CHD2: variants seen among roughly 807,000 people sequenced by gnomAD.
CHD2 encodes the protein ATP-dependent chromatin remodeler CHD2.
A neutral mutation model predicts 243.9 loss-of-function variants in CHD2; 28 were observed. That is an observed-to-expected ratio of 0.11 (90% CI 0.09 to 0.16). The LOEUF (loss-of-function observed/expected upper bound fraction) is 0.16. Among genes scored for constraint, CHD2 ranks in the 10% least tolerant of loss-of-function variants. The pLI, the probability that CHD2 is intolerant of heterozygous loss-of-function variation, is 1.00. For synonymous variants in CHD2, 775 were observed against 779.0 expected (o/e 0.99, Z 0.09); for missense variants, 1,386 against 2,209.8 (o/e 0.63, Z 7.47).
chr15:92,952,592 G>C (rs891540378), intron 13 of CHD2, among the ~76,000 whole-genome samples: 1 of 152,130 alleles, frequency 6.6e-6, no homozygotes, highest in African/African-American at 2.4e-5. Context: ...ATCTAATGCC[G>C]TTGCTGATCT....
At chr15:92,986,826 C>T (rs1467621774) in intron 26 of CHD2, among the ~76,000 whole-genome samples, 1 of 152,170 alleles carries the variant, frequency 6.6e-6, no homozygotes, top group Non-Finnish European at 1.5e-5. Flanking sequence ...AGTGATCCTC[C>T]TGCCTGAGTG....
intron 19 of CHD2, 33 bp from the exon 20 acceptor site, chr15:92,974,846 A>G (rs767040129): frequency 3.1e-6 from 5 of 1,601,030 alleles, no homozygotes; most frequent in Admixed American, 1.7e-5. Flanking sequence ...TGATCTTCCT[A>G]TCTTACAGTT....
intron 16 of CHD2, among the ~76,000 whole-genome samples, chr15:92,960,001 AATC>A (rs1416250818): frequency 3.3e-5 from 5 of 152,212 alleles, no homozygotes; most frequent in Admixed American, 1.3e-4. Context: ...TCTAATCCAT[AATC>A]ATGGAAAGTT....
chr15:92,960,875 C>T (rs764964191), intron 16 of CHD2, among the ~76,000 whole-genome samples: 27 of 151,564 alleles, frequency 1.8e-4, no homozygotes, highest in Non-Finnish European at 3.4e-4. Context: ...CCACCATGCC[C>T]GGCTAATTTT....
At position 92,909,111 on chromosome 15, in the gene CHD2, C is replaced by CA. The variant is rs780137728; in HGVS notation, c.62+7825dup. 5.9e-3 allele frequency among the ~76,000 whole-genome samples: 733 copies of CA among 124,610 alleles called. 9 individuals are homozygous for CA. The highest frequency in any genetic ancestry group is 0.045 in the East Asian group (208 of 4,572). 81.7% of individuals were successfully genotyped at this position (124,610 alleles called of 152,430 possible). A position where few individuals can be genotyped will look rare whatever the true frequency, so the allele number is the denominator to read the frequency against. On this transcript the variant is annotated intron_variant, in intron 2 of 38. Coordinates refer to ENST00000394196, the MANE Select transcript of CHD2 (RefSeq NM_001271.4). ...ACTCCAGCCTGGGAGACAGGGTGAC[C>CA]AAAAAAAAAAAAAGAAAAAAGATAA...
chr15:92,962,669 G>A (rs1447802176), intron 16 of CHD2, among the ~76,000 whole-genome samples: 1 of 150,360 alleles, frequency 6.7e-6, no homozygotes, highest in African/African-American at 2.5e-5. Context: ...TGGTGTTAAT[G>A]GTGTTGTTCA....
intron 33 of CHD2, among the ~76,000 whole-genome samples, chr15:93,003,806 C>T (rs2054287464): frequency 8.2e-6 from 1 of 121,824 alleles, no homozygotes. Context: ...TAACTATAAA[C>T]AAAGCATACT....
intron 5 of CHD2, among the ~76,000 whole-genome samples, chr15:92,929,948 A>G (rs1345597737): frequency 2.6e-5 from 4 of 152,214 alleles, no homozygotes; most frequent in Non-Finnish European, 5.9e-5. Context: ...CCATCTACCC[A>G]ACAGGATTAT....
At chr15:92,985,843 A>G (rs969881178) in intron 26 of CHD2, among the ~76,000 whole-genome samples, 170 bp downstream of exon 26, 1 of 152,186 alleles carries the variant, frequency 6.6e-6, no homozygotes, top group East Asian at 1.9e-4. Context: ...TCCTTCTCCA[A>G]GGTTTCTTTC....
rs1444955768 is a variant in CHD2 at position 93,000,555 on chromosome 15, A to G, written c.4052A>G (p.Lys1351Arg). 1.9e-6 allele frequency: 3 copies of G among 1,613,710 alleles called. No homozygotes were observed. Among genetic ancestry groups the G allele is most frequent in the Non-Finnish European group, 1.7e-6 (2 of 1,179,794 alleles). Residue 1351 changes from lysine (K) to arginine (R), a missense_variant, in exon 32 of 39, where the codon AAA becomes AGA. By Grantham distance (26) the Lys-to-Arg change is conservative (BLOSUM62 2). Around this residue, in one of 19 missense-constraint regions of CHD2, gnomAD observed 125 missense variants for 128.9 expected, o/e 0.97. Transcript: ENST00000394196. Reference protein sequence around the residue: ...KRKPRVKKENKVPRLKEEHGI... With the variant: ...KRKPRVKKENRVPRLKEEHGI... ...AAGCCTCGGGTAAAGAAGGAAAACA[A>G]AGTGCCCAGGCTGAAAGAGGAGCAT... is the stretch of plus-strand genomic sequence containing the variant.
At chr15:92,966,014 T>TA (rs1482297245) in intron 16 of CHD2, among the ~76,000 whole-genome samples, 1 of 152,070 alleles carries the variant, frequency 6.6e-6, no homozygotes, top group Non-Finnish European at 1.5e-5. Flanking sequence ...GTGTGTGAGG[T>TA]ATCATCTCCA....
In CHD2 at chr15:93,024,692, T is replaced by C; in HGVS notation, c.5474T>C (p.Val1825Ala). 1 of 1,610,344 alleles carries C rather than the reference T, an allele frequency of 6.2e-7. No individual in the cohort carries two copies. Among genetic ancestry groups the C allele is most frequent in the Non-Finnish European group, 8.5e-7 (1 of 1,177,894 alleles). ...QKNNPDYNWN[V>A]RKT ...AACAACCCAGATTATAACTGGAATG[T>C]TCGGAAAACATAAAGGACAGCTCGT... The change falls in exon 39 of 39, where the codon GTT becomes GCT. Residue 1825 changes from valine (V) to alanine (A), a missense_variant. Val to Ala is a moderately conservative substitution (Grantham distance 64). Coordinates refer to ENST00000394196, the MANE Select transcript of CHD2 (RefSeq NM_001271.4).
At chr15:93,009,383 T>C in intron 35 of CHD2, 60 bp downstream of exon 35, 1 of 1,513,018 alleles carries the variant, frequency 6.6e-7, no homozygotes, top group Non-Finnish European at 8.9e-7. Flanking sequence ...GTGGATTCTG[T>C]TTTCTTTTAA....
chr15:93,017,198 C>T (rs942554743), intron 37 of CHD2, among the ~76,000 whole-genome samples: 2 of 152,216 alleles, frequency 1.3e-5, no homozygotes, highest in Non-Finnish European at 2.9e-5. Context: ...GTTGCAGGTG[C>T]TCAGGATCAC....
chr15:92,943,284 T>C (rs2053411455), intron 9 of CHD2: 2 of 533,812 alleles, frequency 3.7e-6, no homozygotes, highest in East Asian at 3.3e-5. Context: ...AACTAGCTTA[T>C]GGAGCGTTAT....
intron 2 of CHD2, among the ~76,000 whole-genome samples, chr15:92,919,094 G>A (rs1250152421): frequency 1.3e-5 from 2 of 151,676 alleles, no homozygotes; most frequent in Non-Finnish European, 2.9e-5. Flanking sequence ...GACCTCAGGT[G>A]TTCCACCCGC....
At chr15:92,956,059 G>A (rs1269144273) in intron 15 of CHD2, among the ~76,000 whole-genome samples, 1 of 152,188 alleles carries the variant, frequency 6.6e-6, no homozygotes, top group Non-Finnish European at 1.5e-5. Flanking sequence ...GTGCAAACAA[G>A]TTGAGTTTGG....
At chr15:92,943,668 A>G (rs2053417785) in intron 9 of CHD2, 1 of 156,200 alleles carries the variant, frequency 6.4e-6, no homozygotes, top group Admixed American at 6.2e-5. Flanking sequence ...TATGGGAAAT[A>G]TGTGGAGCTA....
intron 33 of CHD2, among the ~76,000 whole-genome samples, chr15:93,003,592 T>G (rs1026647074): frequency 6.6e-6 from 1 of 151,018 alleles, no homozygotes; most frequent in Non-Finnish European, 1.5e-5. Context: ...TTTTTTTTTT[T>G]GGCGGGGCCA....
Sources: allele counts gnomAD v4.1 joint callset (sites outside exome capture counted in the v4.1 genomes callset), GRCh38; gene constraint gnomAD v4.1.1; regional missense constraint gnomAD v4.1.1; transcripts MANE v1.5; gene names NCBI Gene and HGNC (gene_info 2026-07-23, HGNC 2026-07-21).